Variants in DYSF observed in about 807,000 individuals in gnomAD.
The protein encoded by DYSF is dystrophy-associated fer-1-like 1.
In DYSF, 212 loss-of-function variants were observed where a neutral mutation model predicts 274.9. The ratio of observed to expected loss-of-function variants is 0.77; its 90% CI spans 0.69 to 0.86. The LOEUF (loss-of-function observed/expected upper bound fraction) is 0.86. Among genes scored for constraint, DYSF ranks in the 40% least tolerant of loss-of-function variants. The probability of loss-of-function intolerance (pLI) is 0.00; values close to 1 mark genes in which losing one functional copy is unlikely to be tolerated. For synonymous variants in DYSF, 1,091 were observed against 1,078.7 expected (o/e 1.01, Z -0.22); for missense variants, 2,666 against 2,783.2 (o/e 0.96, Z 0.95).
intron 22 of DYSF, among the ~76,000 whole-genome samples, chr2:71,559,821 G>A (rs566702317): frequency 2.6e-5 from 4 of 152,342 alleles, no homozygotes; most frequent in African/African-American, 9.6e-5. Context: ...CCTGAGAGCA[G>A]GGCCAGGTCT....
chr2:71,588,326 G>A (rs1357642933), intron 30 of DYSF, among the ~76,000 whole-genome samples: 1 of 152,156 alleles, frequency 6.6e-6, no homozygotes, highest in Non-Finnish European at 1.5e-5. Flanking sequence ...TTGGCTTGGG[G>A]ATGGCTGGCC....
chr2:71,564,900 C>T (rs1239647914), intron 24 of DYSF, among the ~76,000 whole-genome samples: 1 of 152,194 alleles, frequency 6.6e-6, no homozygotes, highest in Non-Finnish European at 1.5e-5. Flanking sequence ...TCTCTAGGCT[C>T]ATGCGCGGAC....
chr2:71,507,608 T>C (rs1188963952), intron 4 of DYSF, among the ~76,000 whole-genome samples: 3 of 152,150 alleles, frequency 2.0e-5, no homozygotes, highest in Non-Finnish European at 4.4e-5. Flanking sequence ...CACAGGCACG[T>C]GTGCGCGCAC....
intron 43 of DYSF, among the ~76,000 whole-genome samples, chr2:71,657,720 C>G (rs1263736244): frequency 1.3e-5 from 2 of 152,310 alleles, no homozygotes; most frequent in Non-Finnish European, 2.9e-5. Context: ...ACAGCCCAAG[C>G]TGTACATTGG....
chr2:71,609,065 C>A (rs1345841457), intron 36 of DYSF, among the ~76,000 whole-genome samples: 10 of 152,126 alleles, frequency 6.6e-5, no homozygotes, highest in Non-Finnish European at 1.5e-4. Flanking sequence ...AAAGAGGACA[C>A]CCTGCTGTGC....
intron 32 of DYSF, 111 bp downstream of exon 32, chr2:71,590,399 G>T: frequency 8.5e-7 from 1 of 1,175,276 alleles, no homozygotes. Flanking sequence ...ATGGAGATGG[G>T]TGCTGTCACC....
intron 32 of DYSF, among the ~76,000 whole-genome samples, chr2:71,596,945 T>C (rs1388204379): frequency 6.6e-6 from 1 of 152,170 alleles, no homozygotes. Flanking sequence ...TGGATCCTGC[T>C]CTCTCCATCC....
chr2:71,454,652 T>A (rs960387561), intron 1 of DYSF, among the ~76,000 whole-genome samples: 6 of 152,122 alleles, frequency 3.9e-5, no homozygotes, highest in Non-Finnish European at 8.8e-5. Flanking sequence ...AGCACCAACC[T>A]TTACAGACTT....
At chr2:71,513,386 A>G (rs2086308455) in intron 6 of DYSF, 54 bp downstream of exon 6, 1 of 1,518,856 alleles carries the variant, frequency 6.6e-7, no homozygotes, top group Admixed American at 2.0e-5. Context: ...TAACTGTCTC[A>G]CTAGCTGCCA....
At chr2:71,612,950 T>C (rs1225530338) in intron 39 of DYSF, 144 bp downstream of exon 39, 1 of 1,130,262 alleles carries the variant, frequency 8.8e-7, no homozygotes, top group Non-Finnish European at 1.2e-6. Flanking sequence ...GACCACAGGG[T>C]GGAGACCTTC....
At chr2:71,656,090 T>A (rs2094762904) in intron 42 of DYSF, 72 bp from the exon 43 acceptor site, 12 of 1,579,502 alleles carry the variant, frequency 7.6e-6, no homozygotes, top group Non-Finnish European at 1.0e-5. Context: ...CCTTCTCTTG[T>A]TTCCTTTCCT....
At chr2:71,542,291 AT>A (rs1313452251) in intron 17 of DYSF, among the ~76,000 whole-genome samples, 1 of 151,314 alleles carries the variant, frequency 6.6e-6, no homozygotes, top group African/African-American at 2.4e-5. Flanking sequence ...TGCTAATCTG[AT>A]TTTTTTCTGT....
At chr2:71,545,924 T>G (rs2090431592) in intron 17 of DYSF, among the ~76,000 whole-genome samples, 1 of 152,178 alleles carries the variant, frequency 6.6e-6, no homozygotes, top group Admixed American at 6.5e-5. Context: ...GCATTCAAAG[T>G]CGGGACCACC....
intron 42 of DYSF, among the ~76,000 whole-genome samples, chr2:71,655,653 T>C (rs986030175): frequency 1.3e-5 from 2 of 152,246 alleles, no homozygotes; most frequent in African/African-American, 2.4e-5. Context: ...GATACCATTG[T>C]CATTGGATAT....
At chr2:71,605,414 G>GCACA (rs1372316776) in intron 36 of DYSF, among the ~76,000 whole-genome samples, 2 of 152,226 alleles carry the variant, frequency 1.3e-5, no homozygotes, top group African/African-American at 4.8e-5. Context: ...ACACATGCAC[G>GCACA]CACACACAGC....
intron 22 of DYSF, among the ~76,000 whole-genome samples, chr2:71,560,582 CG>C (rs1484286293): frequency 2.6e-5 from 4 of 152,096 alleles, no homozygotes; most frequent in African/African-American, 9.7e-5. Context: ...ATGGAGTTTG[CG>C]TACTGCTCCC....
chr2:71,533,023 T>A (rs1302036039), intron 14 of DYSF, among the ~76,000 whole-genome samples: 1 of 152,200 alleles, frequency 6.6e-6, no homozygotes, highest in Non-Finnish European at 1.5e-5. Context: ...ACAGATTCTT[T>A]CTTCATTTTT....
chr2:71,531,636 TG>T (rs1450638171), intron 14 of DYSF, among the ~76,000 whole-genome samples: 1 of 151,922 alleles, frequency 6.6e-6, no homozygotes, highest in Non-Finnish European at 1.5e-5. Flanking sequence ...ATATGTGTCC[TG>T]TGTAGTCTCA....
intron 41 of DYSF, among the ~76,000 whole-genome samples, chr2:71,643,032 A>T (rs1045165666): frequency 5.3e-5 from 8 of 152,224 alleles, no homozygotes; most frequent in African/African-American, 2.4e-5. Flanking sequence ...CTAATGGTAC[A>T]GATGGGCTCA....
Sources: gnomAD v4.1 joint callset for allele counts (sites outside exome capture counted in the v4.1 genomes callset) on GRCh38, gnomAD v4.1.1 for gene constraint, MANE v1.5 for transcripts, NCBI Gene and HGNC (gene_info 2026-07-23, HGNC 2026-07-21) for gene names.